The following NBPF3 variants were observed in gnomAD, a reference collection of about 807,000 sequenced individuals.
NBPF3 encodes NBPF family member NBPF3.
Under a neutral mutation model 78.1 loss-of-function variants are expected in NBPF3, and 57 were observed. That is an observed-to-expected ratio of 0.73 (90% CI 0.59 to 0.91). The LOEUF (loss-of-function observed/expected upper bound fraction) is 0.91, where lower values mean the gene tolerates loss of function less well. Ranked by LOEUF, NBPF3 falls within the 40% of genes least tolerant of loss-of-function variation. The pLI, the probability that NBPF3 is intolerant of heterozygous loss-of-function variation, is 0.00. For missense variants in NBPF3, 510 were observed against 715.3 expected, an observed-to-expected ratio of 0.71 and a Z score of 3.27; for synonymous variants, 182 against 271.7, an observed-to-expected ratio of 0.67 and a Z score of 3.25.
At chr1:21,444,674 C>T (rs2147895630) in intron 1 of NBPF3, among the ~76,000 whole-genome samples, 1 of 152,310 alleles carries the variant, frequency 6.6e-6, no homozygotes, top group Middle Eastern at 3.4e-3. Flanking sequence ...CCTCCTGCCT[C>T]AGCCTCCCGA....
Position 21,445,191 on chromosome 1 carries a change from C to G in NBPF3, c.105C>G (p.Gly35=). 1 of 1,611,834 alleles carries G rather than the reference C, an allele frequency of 6.2e-7. No individual in the cohort carries two copies. The highest frequency in any genetic ancestry group is 8.5e-7 in the Non-Finnish European group (1 of 1,179,808). Residue 35 remains glycine, a synonymous_variant, in exon 2 of 15, where the codon GGC becomes GGG. Transcript: ENST00000318249. ...GAPRAASHGV[G]RHQELRDPTV... ...CAAGAGCAGCCTCACATGGTGTGGG[C>G]CGACATCAAGAGCTGCGAGATCCAA...
intron 2 of NBPF3, chr1:21,449,789 A>C (rs1346774991): frequency 1.4e-5 from 3 of 209,482 alleles, no homozygotes; most frequent in Non-Finnish European, 2.5e-5. Context: ...TTATTCTTTC[A>C]GAAATGTGAT....
chr1:21,475,241 G>GT (rs1642830977), intron 8 of NBPF3, among the ~76,000 whole-genome samples: 1 of 152,142 alleles, frequency 6.6e-6, no homozygotes, highest in Admixed American at 6.5e-5. Flanking sequence ...TTTTTGAAGG[G>GT]TTTTTTGTGT....
At chr1:21,444,566 AT>A (rs1174613391) in intron 1 of NBPF3, among the ~76,000 whole-genome samples, 3 of 151,678 alleles carry the variant, frequency 2.0e-5, no homozygotes, top group East Asian at 1.9e-4. Flanking sequence ...TCAGGACTCT[AT>A]TTTTTTTCCC....
intron 6 of NBPF3, 69 bp downstream of exon 6, chr1:21,472,984 C>T: frequency 2.5e-6 from 3 of 1,197,854 alleles, no homozygotes; most frequent in East Asian, 2.3e-5. Flanking sequence ...GGCACACCCT[C>T]TCTGGCATCT....
At chr1:21,474,210 CTTT>C (rs11453851) in intron 7 of NBPF3, among the ~76,000 whole-genome samples, 1 of 143,890 alleles carries the variant, frequency 6.9e-6, no homozygotes. Flanking sequence ...TTTTCTTTTT[CTTT>C]TTTTTTTTGT....
chr1:21,459,978 TG>T lies in NBPF3; in HGVS notation c.134-8707del, dbSNP rs1408880590. 6 of 90,900 alleles carry T rather than the reference TG, an allele frequency of 6.6e-5. 1 individual carries two copies. The highest frequency in any genetic ancestry group is 1.8e-4 in the African/African-American group (6 of 33,268). 5.6% of individuals were successfully genotyped at this position (90,900 alleles called of 1,614,324 possible). On this transcript the variant is annotated intron_variant, in intron 2 of 14. Coordinates refer to ENST00000318249, the MANE Select transcript of NBPF3 (RefSeq NM_032264.6). ...CGTGATGTTCACGAAGGTTTTTCCCTGGGACGGCGGCCCAGATGGAGGGTGA... is the reference window on the plus strand; with the variant it reads ...CGTGATGTTCACGAAGGTTTTTCCCTGGACGGCGGCCCAGATGGAGGGTGA...
intron 2 of NBPF3, among the ~76,000 whole-genome samples, chr1:21,449,102 T>G (rs1194735094): frequency 1.3e-5 from 2 of 152,210 alleles, no homozygotes; most frequent in Non-Finnish European, 2.9e-5. Context: ...CTTGAACCTC[T>G]TTGTAGTCAT....
intron 1 of NBPF3, among the ~76,000 whole-genome samples, chr1:21,444,223 T>C (rs1357197424): frequency 6.6e-6 from 1 of 152,174 alleles, no homozygotes; most frequent in Non-Finnish European, 1.5e-5. Context: ...ATCTAACAAA[T>C]AAAATAGCTG....
In NBPF3 at chr1:21,480,078, A is replaced by G. The variant is rs41265989; in HGVS notation, c.1236A>G (p.Lys412=). ...PRLSRELLDE[K]EPEVLQDSLD... is the part of the protein sequence containing the mutation. ...TCAGCAGGGAGCTGCTGGATGAGAA[A>G]GAGCCTGAAGTCTTGCAGGACTCAC... Residue 412 remains lysine (K), a synonymous_variant, in exon 11 of 15, where the codon AAA becomes AAG. Coordinates refer to ENST00000318249, the MANE Select transcript of NBPF3 (RefSeq NM_032264.6). The G allele has an allele frequency of 0.043, 49,384 of 1,151,384 alleles. 2,106 individuals carry two copies. Among genetic ancestry groups the G allele is most frequent in the Non-Finnish European group, 0.052 (39,582 of 757,816 alleles). The allele number at this position is 1,151,384 out of a possible 1,614,324, so 71.3% of individuals were successfully genotyped here.
chr1:21,462,949 A>G (rs6660003), intron 2 of NBPF3, among the ~76,000 whole-genome samples: 101,994 of 152,078 alleles, frequency 0.67, 35,383 homozygotes, highest in South Asian at 0.87. Context: ...TTGACACTGA[A>G]CTCTCCTTTA....
In NBPF3 at chr1:21,460,973, A is replaced by C. The variant is rs1641917715; in HGVS notation, c.134-7715A>C. Among the ~76,000 whole-genome samples the C allele has an allele frequency of 6.6e-6, 1 of 152,236 alleles. No individual in the cohort carries two copies. The highest frequency in any genetic ancestry group is 2.1e-4 in the South Asian group (1 of 4,834). On this transcript the variant is annotated intron_variant, in intron 2 of 14. Transcript: ENST00000318249. The surrounding 1 kb of genome is among the most constrained non-coding windows in gnomAD (Gnocchi z 4.2). Reference sequence around the variant, plus strand: ...TCAATGAACATAAAATTTTGAGAAGATATTTTCCATAAGAAGATATCTTAC... The same window carrying C: ...TCAATGAACATAAAATTTTGAGAAGCTATTTTCCATAAGAAGATATCTTAC...
At chr1:21,469,350 G>A (rs1642461020) in intron 3 of NBPF3, among the ~76,000 whole-genome samples, 1 of 152,206 alleles carries the variant, frequency 6.6e-6, no homozygotes, top group African/African-American at 2.4e-5. Context: ...CTTGGTGATA[G>A]TACACAGTAC....
chr1:21,445,247 G>T, intron 2 of NBPF3, 28 bp downstream of exon 2: 3 of 1,608,258 alleles, frequency 1.9e-6, no homozygotes, highest in Non-Finnish European at 2.5e-6. Context: ...TTGCCAGCTC[G>T]GTGGGGTCAG....
rs554121243 is a variant in NBPF3 at position 21,462,290 on chromosome 1, A to G, written c.134-6398A>G. Among the ~76,000 whole-genome samples, 279 of 152,354 alleles carry G rather than the reference A, an allele frequency of 1.8e-3. 1 individual carries two copies. The highest frequency in any genetic ancestry group is 6.1e-3 in the African/African-American group (255 of 41,592). ...TATATTCTTCATTTGGGGAATGAGT[A>G]TTGACTGGCAAGGACCACATCAGAA... On this transcript the variant is annotated intron_variant, in intron 2 of 14. Coordinates refer to ENST00000318249, the MANE Select transcript of NBPF3 (RefSeq NM_032264.6).
upstream of NBPF3, among the ~76,000 whole-genome samples, chr1:21,439,867 G>A (rs1640518064): frequency 6.6e-6 from 1 of 152,216 alleles, no homozygotes; most frequent in East Asian, 1.9e-4. Context: ...AGTGGCCGGG[G>A]AAATCAGCGA....
intron 2 of NBPF3, 52 bp from the exon 3 acceptor site, chr1:21,468,636 T>C: frequency 6.2e-7 from 1 of 1,611,968 alleles, no homozygotes; most frequent in Non-Finnish European, 8.5e-7. Context: ...ATTAAACCTA[T>C]TTGATTTCAC....
intron 2 of NBPF3, among the ~76,000 whole-genome samples, chr1:21,454,825 C>T (rs1014935580): frequency 1.1e-4 from 16 of 152,256 alleles, no homozygotes; most frequent in South Asian, 2.1e-4. Flanking sequence ...GCATTAGCGG[C>T]GTAAAATAAG....
intron 2 of NBPF3, 148 bp downstream of exon 2, chr1:21,445,367 T>C: frequency 4.1e-6 from 4 of 974,008 alleles, no homozygotes; most frequent in Non-Finnish European, 6.0e-6. Flanking sequence ...ATTTGTTAAA[T>C]GAATGAACAA....
Sources: gnomAD v4.1 joint callset for allele counts (sites outside exome capture counted in the v4.1 genomes callset) on GRCh38, gnomAD v4.1.1 for gene constraint, Gnocchi (gnomAD v3.1) non-coding constraint, MANE v1.5 for transcripts, NCBI Gene and HGNC (gene_info 2026-07-23, HGNC 2026-07-21) for gene names.